TFEC: variants seen among roughly 807,000 people sequenced by gnomAD.
The protein encoded by TFEC is transcription factor EC, also known as class E basic helix-loop-helix protein 34.
A neutral mutation model predicts 41.6 loss-of-function variants in TFEC; 31 were observed. The observed-to-expected ratio is 0.74, with a 90% confidence interval of 0.56 to 1.01. The LOEUF is 1.01. TFEC is among the 50% of genes least tolerant of loss of function. The pLI is 0.00. For synonymous variants in TFEC, 143 were observed against 140.6 expected, an observed-to-expected ratio of 1.02 and a Z score of -0.12; for missense variants, 402 against 404.1, an observed-to-expected ratio of 0.99 and a Z score of 0.04.
chr7:115,941,706 C>T, intron 7 of TFEC, 187 bp downstream of exon 7: 1 of 657,432 alleles, frequency 1.5e-6, no homozygotes, highest in Non-Finnish European at 2.5e-6. Flanking sequence ...CATCTTGATC[C>T]TGGATTTCTA....
intron 1 of TFEC, among the ~76,000 whole-genome samples, chr7:116,141,609 A>G (rs1305918477): frequency 6.6e-6 from 1 of 152,184 alleles, no homozygotes; most frequent in Non-Finnish European, 1.5e-5. Flanking sequence ...CCACCATCCA[A>G]AGACCACTGG....
chr7:116,147,074 A>C (rs1798656673), intron 1 of TFEC, among the ~76,000 whole-genome samples: 1 of 148,184 alleles, frequency 6.7e-6, no homozygotes, highest in Non-Finnish European at 1.5e-5. Context: ...AGAGAATCAA[A>C]AGAGTGGAAA....
At chr7:116,012,544 A>G (rs1478163581) in intron 1 of TFEC, among the ~76,000 whole-genome samples, 1 of 152,160 alleles carries the variant, frequency 6.6e-6, no homozygotes, top group Non-Finnish European at 1.5e-5. Context: ...TTTTTAAAAA[A>G]ATCTACATGC....
At chr7:116,159,058 C>G (rs1326152924) in intron 1 of TFEC, among the ~76,000 whole-genome samples, 1 of 151,792 alleles carries the variant, frequency 6.6e-6, no homozygotes, top group Non-Finnish European at 1.5e-5. Flanking sequence ...AACTGACTCA[C>G]AGTTTTTATA....
At position 116,137,755 on chromosome 7, in the gene TFEC, T is replaced by C. The variant is rs146665917; in HGVS notation, c.-69+22035A>G. On this transcript the variant is annotated intron_variant, in intron 1 of 8. Coordinates refer to the TFEC transcript ENST00000484212. ...AAACTTGGGCTTTTTAGTTCACAAG[T>C]CATCTTACCTTCCTATCAATTTATA... Among the ~76,000 whole-genome samples the C allele has an allele frequency of 2.7e-3, 417 of 152,232 alleles. 2 individuals are homozygous for C. The highest frequency in any genetic ancestry group is 9.0e-3 in the African/African-American group (376 of 41,554).
chr7:115,969,050 T>C (rs1793008917), intron 3 of TFEC, among the ~76,000 whole-genome samples: 1 of 151,844 alleles, frequency 6.6e-6, no homozygotes, highest in Admixed American at 6.6e-5. Flanking sequence ...ACCATGCTAC[T>C]GCAACAAGAA....
chr7:116,047,350 T>C (rs111398855), intron 3 of TFEC, among the ~76,000 whole-genome samples: 1,739 of 152,204 alleles, frequency 0.011, 42 homozygotes, highest in African/African-American at 0.04. Flanking sequence ...ACCAGGAGAT[T>C]ATATCCTGCA....
chr7:116,137,759 C>G (rs1259440230), intron 1 of TFEC, among the ~76,000 whole-genome samples: 1 of 152,060 alleles, frequency 6.6e-6, no homozygotes, highest in Non-Finnish European at 1.5e-5. Flanking sequence ...CACAAGTCAT[C>G]TTACCTTCCT....
At chr7:115,962,486 A>G (rs952633881) in intron 3 of TFEC, among the ~76,000 whole-genome samples, 8 of 151,802 alleles carry the variant, frequency 5.3e-5, no homozygotes, top group African/African-American at 1.9e-4. Flanking sequence ...GAGTCTGACA[A>G]TAAGATATAT....
chr7:116,149,024 T>C (rs2116449571), intron 1 of TFEC, among the ~76,000 whole-genome samples: 1 of 152,168 alleles, frequency 6.6e-6, no homozygotes, highest in African/African-American at 2.4e-5. Flanking sequence ...AGAATTATGG[T>C]GTATCCAGTT....
intron 3 of TFEC, among the ~76,000 whole-genome samples, chr7:116,100,847 C>T (rs1026104157): frequency 1.3e-5 from 2 of 151,802 alleles, no homozygotes; most frequent in African/African-American, 2.4e-5. Flanking sequence ...GGTGAGAACA[C>T]ACCATACAAG....
intron 3 of TFEC, among the ~76,000 whole-genome samples, chr7:116,100,927 G>A (rs560339544): frequency 2.6e-4 from 40 of 152,104 alleles, no homozygotes; most frequent in African/African-American, 9.4e-4. Flanking sequence ...AAGCCAGATG[G>A]GAGGACGGAA....
At chr7:116,011,106 G>A (rs528832111) in intron 1 of TFEC, among the ~76,000 whole-genome samples, 31 of 152,186 alleles carry the variant, frequency 2.0e-4, no homozygotes, top group Middle Eastern at 3.4e-3. Context: ...GTAAATATTC[G>A]TATGCTTTGC....
At chr7:116,096,498 G>A (rs549677776) in intron 3 of TFEC, among the ~76,000 whole-genome samples, 3 of 152,052 alleles carry the variant, frequency 2.0e-5, no homozygotes, top group Non-Finnish European at 4.4e-5. Flanking sequence ...TTGGATTTTA[G>A]CCATTCTAAT....
At chr7:116,061,236 A>G (rs1055717145) in intron 3 of TFEC, among the ~76,000 whole-genome samples, 2 of 152,166 alleles carry the variant, frequency 1.3e-5, no homozygotes, top group Non-Finnish European at 2.9e-5. Flanking sequence ...AATAATCATA[A>G]TGATGTGGAA....
Position 115,984,376 on chromosome 7 carries a change from A to C in TFEC, c.66T>G (p.Gly22=). The change falls in exon 2 of 8, where the codon GGT becomes GGG. Residue 22 remains glycine, a synonymous_variant. Transcript: ENST00000265440. The part of the protein sequence containing the change: ...LKWSQPAVPS[G]GPLVQHAHTT... ...TGTGTGCATGCTGCACAAGAGGCCC[A>C]CCACTTGGCACTGCAGGTTGTGACC... 1 of 1,614,158 alleles carries C rather than the reference A, an allele frequency of 6.2e-7. No homozygotes were observed. Among genetic ancestry groups the C allele is most frequent in the Non-Finnish European group, 8.5e-7 (1 of 1,179,996 alleles).
chr7:116,074,109 A>C (rs1307908016), intron 3 of TFEC, among the ~76,000 whole-genome samples: 1 of 151,800 alleles, frequency 6.6e-6, no homozygotes, highest in African/African-American at 2.4e-5. Context: ...AAAACTATAA[A>C]ATTCTTAAAA....
intron 3 of TFEC, among the ~76,000 whole-genome samples, chr7:116,068,461 T>C (rs991590682): frequency 1.3e-5 from 2 of 151,676 alleles, no homozygotes; most frequent in Non-Finnish European, 3.0e-5. Context: ...AGCTGGGAAA[T>C]ATAAAGCTAT....
At chr7:116,150,189 T>C (rs998027618) in intron 1 of TFEC, among the ~76,000 whole-genome samples, 2 of 152,152 alleles carry the variant, frequency 1.3e-5, no homozygotes, top group Middle Eastern at 3.2e-3. Context: ...TTGTTTGCTT[T>C]CATAGTTTTA....
Sources: gnomAD v4.1 joint callset for allele counts (sites outside exome capture counted in the v4.1 genomes callset) on GRCh38, gnomAD v4.1.1 for gene constraint, MANE v1.5 for transcripts, NCBI Gene and HGNC (gene_info 2026-07-23, HGNC 2026-07-21) for gene names.